PKNOX2: variants seen among roughly 807,000 people sequenced by gnomAD.
PKNOX2 encodes homeobox protein PKNOX2.
Under a neutral mutation model 53.1 loss-of-function variants are expected in PKNOX2, and 14 were observed. That is an observed-to-expected ratio of 0.26 (90% CI 0.17 to 0.41). The LOEUF (loss-of-function observed/expected upper bound fraction) is 0.41, where lower values mean the gene tolerates loss of function less well. PKNOX2 is among the 10% of genes least tolerant of loss of function. PKNOX2 has a pLI of 1.00. For missense variants in PKNOX2, 496 were observed against 602.8 expected, an observed-to-expected ratio of 0.82 and a Z score of 1.85; for synonymous variants, 257 against 242.8, an observed-to-expected ratio of 1.06 and a Z score of -0.54.
At chr11:125,337,244 G>A (rs944518723) in intron 3 of PKNOX2, among the ~76,000 whole-genome samples, 6 of 152,186 alleles carry the variant, frequency 3.9e-5, no homozygotes, top group African/African-American at 1.4e-4. Flanking sequence ...CGTGGCTGCT[G>A]TGGAAGAACC....
At chr11:125,320,737 G>C (rs1161035339) in intron 2 of PKNOX2, among the ~76,000 whole-genome samples, 1 of 152,130 alleles carries the variant, frequency 6.6e-6, no homozygotes, top group Non-Finnish European at 1.5e-5. Context: ...GCTGTGTAAA[G>C]ATGCTCTGAG....
intron 2 of PKNOX2, among the ~76,000 whole-genome samples, chr11:125,316,513 T>C (rs77987637): frequency 0.029 from 4,415 of 152,066 alleles, 159 homozygotes; most frequent in East Asian, 0.17. Flanking sequence ...CTGGGAGACA[T>C]CGCAGGTTGG....
At chr11:125,376,603 G>A (rs1463699259) in intron 5 of PKNOX2, among the ~76,000 whole-genome samples, 1 of 152,194 alleles carries the variant, frequency 6.6e-6, no homozygotes, top group Non-Finnish European at 1.5e-5. Flanking sequence ...TAGTATGGAT[G>A]GATTCTGAGC....
At chr11:125,177,954 G>A (rs910518506) in intron 1 of PKNOX2, among the ~76,000 whole-genome samples, 1 of 152,346 alleles carries the variant, frequency 6.6e-6, no homozygotes, top group East Asian at 1.9e-4. Context: ...AGGAAGGAAG[G>A]GAGGGAGAGA....
intron 2 of PKNOX2, among the ~76,000 whole-genome samples, chr11:125,278,597 C>A (rs956072167): frequency 6.6e-6 from 1 of 152,048 alleles, no homozygotes; most frequent in Non-Finnish European, 1.5e-5. Flanking sequence ...TGGCTTGCGA[C>A]GGAGATGTGG....
Position 125,264,644 on chromosome 11 carries a change from C to G in PKNOX2, c.-130+29529C>G, listed in dbSNP as rs199854878. The stretch of plus-strand genomic sequence containing the variant: ...ACTCTGTGAAATTATTCCTCACTTT[C>G]AAGGGGCCTAGTTCTCCCTTCCCCA... On this transcript the variant is annotated intron_variant, in intron 2 of 12. Transcript: ENST00000298282. 1.5e-4 allele frequency among the ~76,000 whole-genome samples: 23 copies of G among 152,154 alleles called. No homozygotes were observed. The East Asian group carries it at 3.7e-3, about 24-fold the overall frequency.
intron 7 of PKNOX2, among the ~76,000 whole-genome samples, chr11:125,400,497 C>T (rs1474165602): frequency 1.3e-5 from 2 of 152,208 alleles, no homozygotes; most frequent in East Asian, 1.9e-4. Context: ...AGGGCTTTCA[C>T]ATCTGCCCAC....
At chr11:125,391,227 T>C (rs1954032523) in intron 6 of PKNOX2, among the ~76,000 whole-genome samples, 1 of 152,184 alleles carries the variant, frequency 6.6e-6, no homozygotes, top group Admixed American at 6.5e-5. Context: ...AATTTCCTTA[T>C]CTCTAGGAGA....
In PKNOX2 at chr11:125,220,465, T is replaced by C. The variant is rs191662395; in HGVS notation, c.-200-14580T>C. Among the ~76,000 whole-genome samples the C allele has an allele frequency of 6.0e-4, 92 of 152,198 alleles. 1 individual carries two copies. The East Asian group carries it at 0.013, about 22-fold the overall frequency. On this transcript the variant is annotated intron_variant, in intron 1 of 12. Coordinates refer to ENST00000298282, the MANE Select transcript of PKNOX2 (RefSeq NM_001382323.2). ...TTTTAGGCATGGAATCCCCACAGCT[T>C]GGGTGTGGGATTGAGGGAGAAGGCA...
chr11:125,346,592 G>A (rs1950982390), intron 3 of PKNOX2, among the ~76,000 whole-genome samples: 2 of 152,212 alleles, frequency 1.3e-5, no homozygotes, highest in Non-Finnish European at 2.9e-5. Flanking sequence ...AAAGTTTACA[G>A]ATGGGGAAAT....
At chr11:125,259,006 A>G (rs1944626087) in intron 2 of PKNOX2, 1 of 198,708 alleles carries the variant, frequency 5.0e-6, no homozygotes, top group African/African-American at 2.4e-5. Context: ...ATAGTGTCGG[A>G]CACATACTAG....
intron 2 of PKNOX2, among the ~76,000 whole-genome samples, chr11:125,244,035 A>C (rs1363245040): frequency 6.6e-6 from 1 of 152,198 alleles, no homozygotes; most frequent in African/African-American, 2.4e-5. Flanking sequence ...GGATGGAAGG[A>C]TGAAAGATGA....
chr11:125,337,075 G>C (rs1443650969), intron 3 of PKNOX2, among the ~76,000 whole-genome samples: 1 of 151,922 alleles, frequency 6.6e-6, no homozygotes, highest in Non-Finnish European at 1.5e-5. Flanking sequence ...TTAAGATTTA[G>C]AAGATTTATA....
intron 2 of PKNOX2, among the ~76,000 whole-genome samples, chr11:125,321,216 G>A (rs1357887909): frequency 6.6e-6 from 1 of 152,186 alleles, no homozygotes; most frequent in Non-Finnish European, 1.5e-5. Context: ...ATAACCCAGA[G>A]CAGAGATCAG....
intron 12 of PKNOX2, among the ~76,000 whole-genome samples, chr11:125,430,393 G>GC (rs1004357979): frequency 8.5e-5 from 13 of 152,158 alleles, no homozygotes; most frequent in African/African-American, 2.9e-4. Flanking sequence ...GCTCAGCAGA[G>GC]CCCCCCATGT....
intron 9 of PKNOX2, 125 bp from the exon 10 acceptor site, chr11:125,411,621 C>A: frequency 6.6e-7 from 1 of 1,519,190 alleles, no homozygotes; most frequent in Non-Finnish European, 9.1e-7. Flanking sequence ...GGTGACCTCC[C>A]CAGGGCCCTA....
At chr11:125,406,269 G>A (rs1471305295) in intron 7 of PKNOX2, among the ~76,000 whole-genome samples, 1 of 152,196 alleles carries the variant, frequency 6.6e-6, no homozygotes, top group East Asian at 1.9e-4. Context: ...CACGGCTCTA[G>A]AGACTAAGCC....
Position 125,431,192 on chromosome 11 carries a change from T to A in PKNOX2, c.1219T>A (p.Ser407Thr). Residue 407 changes from serine (S) to threonine (T), a missense_variant, in exon 13 of 13, where the codon TCC becomes ACC. This residue lies in a region of PKNOX2 where 139 missense variants were observed against 161.3 expected (regional missense o/e 0.86). Transcript: ENST00000298282. ...DGSINLDNLQ[S>T]LSSDSATMAM... is the part of the protein sequence containing the mutation. Reference sequence around the variant, plus strand: ...TTCCATCAACTTGGACAACCTGCAGTCCCTGTCCTCAGACAGTGCCACCAT... The same window carrying A: ...TTCCATCAACTTGGACAACCTGCAGACCCTGTCCTCAGACAGTGCCACCAT... 6.2e-7 allele frequency: 1 copy of A among 1,613,774 alleles called. No homozygotes were observed. The highest frequency in any genetic ancestry group is 8.5e-7 in the Non-Finnish European group (1 of 1,179,866).
At position 125,410,192 on chromosome 11, in the gene PKNOX2, C is replaced by T. The variant is rs1407566496; in HGVS notation, c.589-4C>T. The T allele has an allele frequency of 1.2e-6, 2 of 1,613,716 alleles. No individual in the cohort carries two copies. Among genetic ancestry groups the T allele is most frequent in the South Asian group, 2.2e-5 (2 of 91,048 alleles). On this transcript the variant is annotated splice_region_variant and splice_polypyrimidine_tract_variant and intron_variant, in intron 7 of 12. Transcript: ENST00000298282. ...GTCACAAACCACGCCTCCCTCACTG[C>T]CAGGACCTCCTGCAGAATTCCCCCA...
Sources: gnomAD v4.1 joint callset for allele counts (sites outside exome capture counted in the v4.1 genomes callset) on GRCh38, gnomAD v4.1.1 for gene constraint, gnomAD v4.1.1 regional missense constraint, MANE v1.5 for transcripts, NCBI Gene and HGNC (gene_info 2026-07-23, HGNC 2026-07-21) for gene names.